The following CYRIB variants were observed in gnomAD, a reference collection of about 807,000 sequenced individuals.
CYRIB encodes the protein CYFIP related Rac1 interactor B, also known as CYFIP-related Rac1 interactor B.
A neutral mutation model predicts 44.2 loss-of-function variants in CYRIB; 8 were observed. The observed-to-expected ratio is 0.18, with a 90% CI of 0.11 to 0.33. The LOEUF is 0.33. Among genes scored for constraint, CYRIB ranks in the 10% least tolerant of loss-of-function variants. CYRIB has a pLI of 1.00. For missense variants in CYRIB, 185 were observed against 382.8 expected, an observed-to-expected ratio of 0.48 and a Z score of 4.31; for synonymous variants, 131 against 127.2, an observed-to-expected ratio of 1.03 and a Z score of -0.20.
chr8:129,897,599 A>G (rs962486587), intron 2 of CYRIB, among the ~76,000 whole-genome samples: 2 of 149,678 alleles, frequency 1.3e-5, no homozygotes, highest in African/African-American at 4.9e-5. Context: ...TAGTAATGCC[A>G]GCCAAGAATT....
At chr8:129,871,940 C>T (rs527236509) in intron 3 of CYRIB, among the ~76,000 whole-genome samples, 71 of 152,012 alleles carry the variant, frequency 4.7e-4, no homozygotes, top group African/African-American at 1.7e-3. Flanking sequence ...TTTTTATTTT[C>T]CTATAAAGTT....
At chr8:130,015,694 A>G (rs529325994) in intron 1 of CYRIB, among the ~76,000 whole-genome samples, 40 of 152,212 alleles carry the variant, frequency 2.6e-4, no homozygotes, top group African/African-American at 8.9e-4. Flanking sequence ...TCCCAACCCC[A>G]GTGTGTGTGT....
intron 2 of CYRIB, among the ~76,000 whole-genome samples, chr8:129,900,783 G>T (rs530989787): frequency 6.6e-6 from 1 of 151,988 alleles, no homozygotes; most frequent in Non-Finnish European, 1.5e-5. Flanking sequence ...AGGCTCAAGC[G>T]GTTCTCGTGC....
intron 2 of CYRIB, among the ~76,000 whole-genome samples, chr8:129,950,431 G>C (rs988512449): frequency 6.6e-6 from 1 of 152,256 alleles, no homozygotes; most frequent in Middle Eastern, 3.4e-3. Context: ...TTAGCCAGAC[G>C]TGGTGACGTG....
chr8:129,879,602 CTG>C, intron 2 of CYRIB, 131 bp from the exon 5 acceptor site: 2 of 682,450 alleles, frequency 2.9e-6, no homozygotes, highest in Non-Finnish European at 4.8e-6. Context: ...GTTACCCAGA[CTG>C]TGCTCTGGCA....
At chr8:129,978,907 G>A (rs1426847744) in intron 1 of CYRIB, among the ~76,000 whole-genome samples, 1 of 152,032 alleles carries the variant, frequency 6.6e-6, no homozygotes, top group Non-Finnish European at 1.5e-5. Context: ...AGGCCAAGGC[G>A]GGCAGATCAC....
intron 1 of CYRIB, among the ~76,000 whole-genome samples, chr8:129,992,677 C>T (rs958969270): frequency 6.6e-6 from 1 of 152,182 alleles, no homozygotes; most frequent in Non-Finnish European, 1.5e-5. Context: ...GCTGCAGAGC[C>T]CTGATCACCC....
intron 1 of CYRIB, among the ~76,000 whole-genome samples, chr8:129,915,107 A>G (rs1239421575): frequency 6.6e-6 from 1 of 152,204 alleles, no homozygotes; most frequent in Non-Finnish European, 1.5e-5. Flanking sequence ...TTAAATATAC[A>G]CCTTCAATAT....
intron 2 of CYRIB, chr8:129,879,682 A>G (rs1461847748): frequency 2.1e-6 from 1 of 474,404 alleles, no homozygotes; most frequent in Admixed American, 4.0e-5. Flanking sequence ...TTTCCTGTAC[A>G]CAATGGCACA....
intron 7 of CYRIB, among the ~76,000 whole-genome samples, chr8:129,852,580 T>C (rs2131609196): frequency 6.6e-6 from 1 of 152,312 alleles, no homozygotes; most frequent in South Asian, 2.1e-4. Context: ...CCGTCCTCCA[T>C]TATGAACAAT....
chr8:130,012,004 T>TC (rs1456261434), intron 1 of CYRIB, among the ~76,000 whole-genome samples: 5 of 152,122 alleles, frequency 3.3e-5, no homozygotes, highest in Non-Finnish European at 7.4e-5. Flanking sequence ...AAGAAAAGGA[T>TC]CCTTTCCAAA....
chr8:129,996,718 C>T (rs1336989830), intron 1 of CYRIB, among the ~76,000 whole-genome samples: 1 of 152,140 alleles, frequency 6.6e-6, no homozygotes, highest in African/African-American at 2.4e-5. Flanking sequence ...GCTTTGAGCC[C>T]TCCCTCCCCC....
At position 129,982,680 on chromosome 8, in the gene CYRIB, T is replaced by G. The variant is rs146690907; in HGVS notation, c.-295-11685A>C. On this transcript the variant is annotated intron_variant, in intron 1 of 14. Transcript: ENST00000401979. Reference sequence around the variant, plus strand: ...AATAGCAGAACGTCAAGAAACAGGATTTCTCTAGAAGCAACTAAACCAAAT... The same window carrying G: ...AATAGCAGAACGTCAAGAAACAGGAGTTCTCTAGAAGCAACTAAACCAAAT... Among the ~76,000 whole-genome samples, 368 of 152,328 alleles carry G rather than the reference T, an allele frequency of 2.4e-3. 2 individuals are homozygous for G. The highest frequency in any genetic ancestry group is 8.1e-3 in the African/African-American group (335 of 41,572).
intron 1 of CYRIB, among the ~76,000 whole-genome samples, chr8:129,975,742 G>A (rs192842306): frequency 1.3e-5 from 2 of 152,320 alleles, no homozygotes; most frequent in Admixed American, 1.3e-4. Context: ...GGCATAGCAT[G>A]CTCTACTGCA....
At chr8:129,956,617 G>A (rs1351796024) in intron 2 of CYRIB, among the ~76,000 whole-genome samples, 1 of 151,980 alleles carries the variant, frequency 6.6e-6, no homozygotes, top group African/African-American at 2.4e-5. Flanking sequence ...ATATCACTTA[G>A]GGTGAGCTGG....
At chr8:129,902,958 G>T (rs979390844) in intron 2 of CYRIB, 1 of 151,390 alleles carries the variant, frequency 6.6e-6, no homozygotes, top group African/African-American at 2.4e-5. Flanking sequence ...TGTTTTCAAT[G>T]AAAAAAAATA....
chr8:129,878,436 A>G (rs2059868215), intron 3 of CYRIB, among the ~76,000 whole-genome samples: 1 of 152,142 alleles, frequency 6.6e-6, no homozygotes, highest in Non-Finnish European at 1.5e-5. Flanking sequence ...TAAGTGATTT[A>G]TTTGTTTTGT....
Position 129,957,646 on chromosome 8 carries a change from C to G in CYRIB, c.-243+13297G>C, listed in dbSNP as rs183632005. On this transcript the variant is annotated intron_variant, in intron 2 of 14. Transcript: ENST00000401979. ...AGGTGTTCCAGACCAGCCTGGCCAA[C>G]ATGGTGAAACCCCATCTCTACTAAA... 1.9e-3 allele frequency among the ~76,000 whole-genome samples: 292 copies of G among 152,180 alleles called. 2 individuals are homozygous for G. Among genetic ancestry groups the G allele is most frequent in the African/African-American group, 6.6e-3 (274 of 41,508 alleles).
intron 1 of CYRIB, among the ~76,000 whole-genome samples, chr8:129,992,300 TAAAAATA>T (rs1231507645): frequency 1.3e-5 from 2 of 151,810 alleles, no homozygotes; most frequent in East Asian, 3.9e-4. Flanking sequence ...CCTCAAAAAA[TAAAAATA>T]AAAAATAAAA....
Sources: gnomAD v4.1 joint callset for allele counts (sites outside exome capture counted in the v4.1 genomes callset) on GRCh38, gnomAD v4.1.1 for gene constraint, MANE v1.5 for transcripts, NCBI Gene and HGNC (gene_info 2026-07-23, HGNC 2026-07-21) for gene names.